GALNT10: variants seen among roughly 807,000 people sequenced by gnomAD.
GALNT10 encodes the protein GalNAc transferase 10.
A neutral mutation model predicts 75.0 loss-of-function variants in GALNT10; 41 were observed. That is an observed-to-expected ratio of 0.55 (90% CI 0.43 to 0.71). GALNT10 has a LOEUF of 0.71. Ranked by LOEUF, GALNT10 falls within the 30% of genes least tolerant of loss-of-function variation. The pLI, the probability that GALNT10 is intolerant of heterozygous loss-of-function variation, is 0.00. For missense variants in GALNT10, 727 were observed against 818.5 expected (o/e 0.89, Z 1.36); for synonymous variants, 302 against 313.0 (o/e 0.96, Z 0.37).
intron 4 of GALNT10, among the ~76,000 whole-genome samples, chr5:154,372,606 A>G (rs1437161243): frequency 1.3e-5 from 2 of 152,234 alleles, no homozygotes; most frequent in East Asian, 3.8e-4. Flanking sequence ...ACTGCAGGAC[A>G]GGCAGCACTG....
At chr5:154,401,329 G>A (rs1198575145) in intron 7 of GALNT10, among the ~76,000 whole-genome samples, 22 of 152,230 alleles carry the variant, frequency 1.4e-4, no homozygotes, top group African/African-American at 4.3e-4. Flanking sequence ...CCCGGGAGAC[G>A]TTCAGAAATA....
chr5:154,249,246 G>C (rs1055245005), intron 1 of GALNT10, among the ~76,000 whole-genome samples: 2 of 152,164 alleles, frequency 1.3e-5, no homozygotes, highest in African/African-American at 4.8e-5. Flanking sequence ...GCCTGATGTG[G>C]AGCCTGAGAA....
intron 3 of GALNT10, among the ~76,000 whole-genome samples, chr5:154,321,174 G>A (rs540295284): frequency 3.5e-4 from 53 of 152,176 alleles, no homozygotes; most frequent in South Asian, 1.2e-3. Flanking sequence ...TCCACTATAC[G>A]TTTTGATGCA....
In GALNT10 at chr5:154,190,795, G is replaced by T; in HGVS notation, c.-72G>T. On this transcript the variant is annotated 5_prime_UTR_variant, in exon 1 of 12. Coordinates refer to ENST00000297107, the MANE Select transcript of GALNT10 (RefSeq NM_198321.4). ...GGCTGAGCTGCTGCCGCCGCCGGGC[G>T]GACGGGCGGACGCGCGGAGCTGGGG... The T allele has an allele frequency of 2.5e-6, 2 of 803,136 alleles. No individual in the cohort carries two copies. The highest frequency in any genetic ancestry group is 3.0e-6 in the Non-Finnish European group (2 of 661,682). The allele number at this position is 803,136 out of a possible 1,614,324, so 49.8% of individuals were successfully genotyped here. A position where few individuals can be genotyped will look rare whatever the true frequency, so the allele number is the denominator to read the frequency against.
In GALNT10 at chr5:154,190,763, T is replaced by G. The variant is rs1774842638; in HGVS notation, c.-104T>G. ...GGAGCGGGGCCGGCGCCGCAGCCGC[T>G]TCTGCTGGCTGAGCTGCTGCCGCCG... On this transcript the variant is annotated 5_prime_UTR_variant, in exon 1 of 12. Coordinates refer to ENST00000297107, the MANE Select transcript of GALNT10 (RefSeq NM_198321.4). 2.4e-6 allele frequency: 1 copy of G among 420,380 alleles called. No homozygotes were observed. 26.0% of individuals were successfully genotyped at this position (420,380 alleles called of 1,614,324 possible). A position where few individuals can be genotyped will look rare whatever the true frequency, so the allele number is the denominator to read the frequency against.
At chr5:154,372,323 G>A (rs1001891689) in intron 4 of GALNT10, among the ~76,000 whole-genome samples, 39 of 152,152 alleles carry the variant, frequency 2.6e-4, no homozygotes, top group African/African-American at 8.7e-4. Flanking sequence ...ACTAAAAAAC[G>A]TGTTAGCCAT....
chr5:154,319,633 G>A (rs895469199), intron 3 of GALNT10, among the ~76,000 whole-genome samples: 14 of 152,216 alleles, frequency 9.2e-5, no homozygotes, highest in African/African-American at 3.4e-4. Flanking sequence ...GGCAGCAGAG[G>A]TTATATTGCC....
chr5:154,323,424 G>A (rs1438045360), intron 3 of GALNT10, among the ~76,000 whole-genome samples: 1 of 152,122 alleles, frequency 6.6e-6, no homozygotes, highest in African/African-American at 2.4e-5. Context: ...ACAAAAACAG[G>A]CTGCCGGATT....
intron 4 of GALNT10, among the ~76,000 whole-genome samples, chr5:154,344,411 TA>T (rs1312214878): frequency 3.2e-4 from 48 of 152,006 alleles, no homozygotes; most frequent in African/African-American, 1.2e-3. Flanking sequence ...AGGGTTTCAC[TA>T]TGTTGGCCAG....
intron 3 of GALNT10, among the ~76,000 whole-genome samples, chr5:154,304,119 C>T (rs1419577334): frequency 6.6e-6 from 1 of 152,024 alleles, no homozygotes; most frequent in Non-Finnish European, 1.5e-5. Context: ...ACTCAAAACA[C>T]AGAAAAAGAT....
intron 3 of GALNT10, among the ~76,000 whole-genome samples, chr5:154,315,056 G>T (rs564135650): frequency 6.6e-6 from 1 of 152,020 alleles, no homozygotes; most frequent in South Asian, 2.1e-4. Flanking sequence ...GGAAGTCCAG[G>T]TTTCCATATT....
At chr5:154,279,872 T>C (rs1320372537) in intron 1 of GALNT10, among the ~76,000 whole-genome samples, 1 of 152,092 alleles carries the variant, frequency 6.6e-6, no homozygotes, top group African/African-American at 2.4e-5. Flanking sequence ...TGGAAGTTCC[T>C]CAGAAAGCTA....
rs1491373561 is a variant in GALNT10 at position 154,299,852 on chromosome 5, T to TC, written c.401+1773_401+1774insC. Among the ~76,000 whole-genome samples the TC allele has an allele frequency of 3.5e-5, 5 of 142,468 alleles. 1 individual carries two copies. The highest frequency in any genetic ancestry group is 6.1e-5 in the Non-Finnish European group (4 of 65,686). 93.5% of individuals were successfully genotyped at this position (142,468 alleles called of 152,430 possible). A position where few individuals can be genotyped will look rare whatever the true frequency, so the allele number is the denominator to read the frequency against. ...CCAGATTTTTTTTTTTTTTTTTTTT[T>TC]GAGACAGGGTCTCGCCCTATCACCC... On this transcript the variant is annotated intron_variant, in intron 3 of 11. Transcript: ENST00000297107.
intron 4 of GALNT10, among the ~76,000 whole-genome samples, chr5:154,364,067 G>A (rs1755437752): frequency 6.6e-6 from 1 of 152,208 alleles, no homozygotes; most frequent in South Asian, 2.1e-4. Flanking sequence ...ACATGCAGAT[G>A]ATGCTTCAGG....
intron 2 of GALNT10, among the ~76,000 whole-genome samples, chr5:154,296,081 GTTTGT>G (rs573609044): frequency 3.2e-4 from 49 of 151,800 alleles, no homozygotes; most frequent in Admixed American, 3.1e-3. Context: ...TTTTTTGTTT[GTTTGT>G]TTTGTTTTGT....
At chr5:154,256,155 A>T (rs1393922030) in intron 1 of GALNT10, among the ~76,000 whole-genome samples, 1 of 151,990 alleles carries the variant, frequency 6.6e-6, no homozygotes, top group Admixed American at 6.6e-5. Flanking sequence ...CTGCCTATTT[A>T]AGAGACTGGA....
At chr5:154,336,719 G>T (rs1030250267) in intron 4 of GALNT10, among the ~76,000 whole-genome samples, 2 of 152,014 alleles carry the variant, frequency 1.3e-5, no homozygotes, top group African/African-American at 4.8e-5. Flanking sequence ...ATTCATGTTT[G>T]CAGTCTGGTA....
intron 4 of GALNT10, among the ~76,000 whole-genome samples, chr5:154,354,688 C>T (rs924987022): frequency 7.9e-5 from 12 of 152,058 alleles, no homozygotes; most frequent in Admixed American, 4.6e-4. Flanking sequence ...GGGGGGGTAT[C>T]GTTGGGGAGA....
intron 1 of GALNT10, among the ~76,000 whole-genome samples, chr5:154,253,002 G>GTTTTTTTTTTTTTT (rs373849888): frequency 1.1e-5 from 1 of 89,862 alleles, no homozygotes. Context: ...TTTTTTAGTG[G>GTTTTTTTTTTTTTT]TTTTTTTTTT....
Sources: allele counts gnomAD v4.1 joint callset (sites outside exome capture counted in the v4.1 genomes callset), GRCh38; gene constraint gnomAD v4.1.1; transcripts MANE v1.5; gene names NCBI Gene and HGNC (gene_info 2026-07-23, HGNC 2026-07-21).